PTPRT: variants seen among roughly 807,000 people sequenced by gnomAD.
PTPRT encodes the protein receptor-type tyrosine-protein phosphatase T.
PTPRT carries 56 observed loss-of-function variants against 176.8 expected under a neutral mutation model. The observed-to-expected ratio is 0.32, with a 90% CI of 0.26 to 0.40. PTPRT has a LOEUF of 0.40. PTPRT is among the 10% of genes least tolerant of loss of function. The pLI is 1.00. For missense variants in PTPRT, 1,540 were observed against 1,908.2 expected, an observed-to-expected ratio of 0.81 and a Z score of 3.60; for synonymous variants, 783 against 739.0, an observed-to-expected ratio of 1.06 and a Z score of -0.96.
chr20:43,159,513 C>T (rs1386433434), intron 1 of PTPRT, among the ~76,000 whole-genome samples: 1 of 152,180 alleles, frequency 6.6e-6, no homozygotes, highest in Non-Finnish European at 1.5e-5. Flanking sequence ...TAATGTTTGT[C>T]AAAGCACCTG....
chr20:42,608,174 T>C (rs1346526883), intron 7 of PTPRT, among the ~76,000 whole-genome samples: 1 of 152,156 alleles, frequency 6.6e-6, no homozygotes, highest in African/African-American at 2.4e-5. Flanking sequence ...CATGGTCTCA[T>C]GTCTCCGGAA....
chr20:42,828,990 A>C (rs2145684151), intron 2 of PTPRT, among the ~76,000 whole-genome samples: 1 of 151,944 alleles, frequency 6.6e-6, no homozygotes, highest in East Asian at 1.9e-4. Flanking sequence ...AGAATGTTAG[A>C]TCCACTGACA....
chr20:42,750,334 T>C (rs1031456397), intron 6 of PTPRT, among the ~76,000 whole-genome samples: 1 of 152,128 alleles, frequency 6.6e-6, no homozygotes, highest in African/African-American at 2.4e-5. Flanking sequence ...TATTATGCTA[T>C]ATATATGTGT....
At chr20:42,196,022 A>G (rs1991204196) in intron 16 of PTPRT, among the ~76,000 whole-genome samples, 2 of 152,204 alleles carry the variant, frequency 1.3e-5, no homozygotes, top group African/African-American at 4.8e-5. Flanking sequence ...AGAAATCAGT[A>G]TTACCCAGGT....
chr20:42,871,050 A>T (rs1415246404), intron 2 of PTPRT, among the ~76,000 whole-genome samples: 1 of 151,764 alleles, frequency 6.6e-6, no homozygotes, highest in Non-Finnish European at 1.5e-5. Context: ...TCCCGGGTTC[A>T]AGTAATTCTC....
chr20:42,979,605 A>G (rs925893074), intron 1 of PTPRT, among the ~76,000 whole-genome samples: 4 of 152,162 alleles, frequency 2.6e-5, no homozygotes, highest in Non-Finnish European at 2.9e-5. Flanking sequence ...TCTATCTGAG[A>G]GGACACATTC....
rs1264240443 is a variant in PTPRT at position 42,102,205 on chromosome 20, C to T, written c.3633G>A (p.Val1211=). 6 of 1,614,190 alleles carry T rather than the reference C, an allele frequency of 3.7e-6. No homozygotes were observed. Among genetic ancestry groups the T allele is most frequent in the Non-Finnish European group, 4.2e-6 (5 of 1,180,032 alleles). The change falls in exon 26 of 31, where the codon GTG becomes GTA. Residue 1211 remains valine (V), a synonymous_variant. Coordinates refer to ENST00000373187, the MANE Select transcript of PTPRT (RefSeq NM_007050.6). ...RNHDKNRSMD[V]LPLDRCLPFL... is the part of the protein sequence containing the mutation. Reference sequence around the variant, plus strand: ...AGGGCAGGCAGCGGTCCAGAGGCAGCACGTCCATACTTCGATTCTTATCAT... The same window carrying T: ...AGGGCAGGCAGCGGTCCAGAGGCAGTACGTCCATACTTCGATTCTTATCAT...
intron 9 of PTPRT, among the ~76,000 whole-genome samples, chr20:42,364,391 C>T (rs1227883808): frequency 6.6e-6 from 1 of 152,172 alleles, no homozygotes; most frequent in Non-Finnish European, 1.5e-5. Flanking sequence ...ATGTTGGAGA[C>T]TACACCATCA....
At chr20:42,568,957 A>G (rs1309842596) in intron 7 of PTPRT, among the ~76,000 whole-genome samples, 1 of 147,664 alleles carries the variant, frequency 6.8e-6, no homozygotes, top group South Asian at 2.3e-4. Context: ...GCTGAGCAGA[A>G]GAATCGCTTG....
intron 1 of PTPRT, among the ~76,000 whole-genome samples, chr20:42,957,489 C>T (rs545072569): frequency 5.9e-5 from 9 of 152,180 alleles, no homozygotes; most frequent in South Asian, 4.2e-4. Context: ...TGGAGAGAGA[C>T]GCCAGAGCAT....
rs1312854723 is a variant in PTPRT at position 42,618,316 on chromosome 20, T to C, written c.1153+59550A>G. On this transcript the variant is annotated intron_variant, in intron 7 of 30. Coordinates refer to ENST00000373187, the MANE Select transcript of PTPRT (RefSeq NM_007050.6). ...CTGTGGTCTGAGAGATAGTTTGTTA[T>C]AATTTCTGTTCTTTTACATTTGCTG... Among the ~76,000 whole-genome samples the C allele has an allele frequency of 1.6e-4, 21 of 134,458 alleles. 2 individuals carry two copies. The highest frequency in any genetic ancestry group is 2.8e-4 in the Non-Finnish European group (18 of 64,164). 88.2% of individuals were successfully genotyped at this position (134,458 alleles called of 152,430 possible). A position where few individuals can be genotyped will look rare whatever the true frequency, so the allele number is the denominator to read the frequency against.
At chr20:42,339,442 G>A (rs2058082924) in intron 11 of PTPRT, among the ~76,000 whole-genome samples, 1 of 152,178 alleles carries the variant, frequency 6.6e-6, no homozygotes, top group South Asian at 2.1e-4. Flanking sequence ...AGAGACATGA[G>A]AGATCCAAAA....
rs111371393 is a variant in PTPRT at position 42,278,916 on chromosome 20, G to T, written c.2176+3573C>A. On this transcript the variant is annotated intron_variant, in intron 13 of 30. Coordinates refer to ENST00000373187, the MANE Select transcript of PTPRT (RefSeq NM_007050.6). ...CACCTGTGGCTGACATCTTCAACCT[G>T]CTACCTATGTTGAGCCCATCCCTCA... Among the ~76,000 whole-genome samples the T allele has an allele frequency of 5.3e-3, 808 of 152,228 alleles. 9 individuals are homozygous for T. Among genetic ancestry groups the T allele is most frequent in the African/African-American group, 0.019 (776 of 41,524 alleles).
At chr20:42,834,748 C>T (rs1479620781) in intron 2 of PTPRT, among the ~76,000 whole-genome samples, 1 of 152,048 alleles carries the variant, frequency 6.6e-6, no homozygotes, top group Non-Finnish European at 1.5e-5. Flanking sequence ...TGAATCTCTT[C>T]TGTATGTACT....
chr20:43,012,776 C>T (rs112208629), intron 1 of PTPRT, among the ~76,000 whole-genome samples: 4 of 152,008 alleles, frequency 2.6e-5, no homozygotes, highest in African/African-American at 9.7e-5. Flanking sequence ...GGAGGTTATT[C>T]CCCCACAGAC....
At chr20:42,765,280 G>A (rs1228571782) in intron 5 of PTPRT, among the ~76,000 whole-genome samples, 1 of 152,156 alleles carries the variant, frequency 6.6e-6, no homozygotes, top group Non-Finnish European at 1.5e-5. Flanking sequence ...CTGCTCTGGA[G>A]TCCCTGAGTA....
chr20:42,332,642 A>T (rs898523601), intron 11 of PTPRT, among the ~76,000 whole-genome samples: 5 of 147,310 alleles, frequency 3.4e-5, no homozygotes, highest in Non-Finnish European at 7.5e-5. Flanking sequence ...TGTGGAAAAC[A>T]TTTTTTTTTT....
intron 13 of PTPRT, among the ~76,000 whole-genome samples, chr20:42,268,910 A>G (rs749422578): frequency 6.6e-6 from 1 of 152,088 alleles, no homozygotes; most frequent in Non-Finnish European, 1.5e-5. Flanking sequence ...CAAATGGCTC[A>G]CAAATACCTC....
At chr20:42,434,120 A>C in intron 9 of PTPRT, among the ~76,000 whole-genome samples, 1 of 152,228 alleles carries the variant, frequency 6.6e-6, no homozygotes, top group Non-Finnish European at 1.5e-5. Context: ...GCAAATGCAC[A>C]AGAACTAGAA....
Sources: gnomAD v4.1 joint callset for allele counts (sites outside exome capture counted in the v4.1 genomes callset) on GRCh38, gnomAD v4.1.1 for gene constraint, MANE v1.5 for transcripts, NCBI Gene and HGNC (gene_info 2026-07-23, HGNC 2026-07-21) for gene names.